ZRANB1: variants seen among roughly 807,000 people sequenced by gnomAD.
ZRANB1 encodes zinc finger RANBP2-type containing 1.
Under a neutral mutation model 80.5 loss-of-function variants are expected in ZRANB1, and 16 were observed. That is an observed-to-expected ratio of 0.20 (90% CI 0.13 to 0.30). ZRANB1 has a LOEUF of 0.30. ZRANB1 is among the 10% of genes least tolerant of loss of function. The pLI is 1.00. For missense variants in ZRANB1, 576 were observed against 862.6 expected (o/e 0.67, Z 4.16); for synonymous variants, 291 against 293.1 (o/e 0.99, Z 0.07).
intron 1 of ZRANB1, among the ~76,000 whole-genome samples, chr10:124,943,528 A>AGTGTGTGTGT (rs4020644): frequency 6.7e-6 from 1 of 148,620 alleles, no homozygotes; most frequent in Non-Finnish European, 1.5e-5. Context: ...CAAAAATGTG[A>AGTGTGTGTGT]GTGTGTGTGT....
chr10:124,951,957 AAAAT>A (rs1198932172), intron 1 of ZRANB1, among the ~76,000 whole-genome samples: 3 of 152,160 alleles, frequency 2.0e-5, no homozygotes, highest in South Asian at 2.1e-4. Context: ...ACTCTGTCTC[AAAAT>A]AAATAAATAA....
chr10:124,924,908 C>CT, the ZRANB1 span, among the ~76,000 whole-genome samples: 1 of 147,584 alleles, frequency 6.8e-6, no homozygotes. Flanking sequence ...CATCATTTTG[C>CT]TGTTTTTTTT....
At chr10:124,930,808 G>T in the ZRANB1 span, among the ~76,000 whole-genome samples, 1 of 152,132 alleles carries the variant, frequency 6.6e-6, no homozygotes. Context: ...GCTGAGTCGA[G>T]AAGATTGAGG....
At chr10:124,925,194 G>A in the ZRANB1 span, among the ~76,000 whole-genome samples, 8 of 152,104 alleles carry the variant, frequency 5.3e-5, no homozygotes, top group Admixed American at 6.5e-5. Flanking sequence ...ACAGGCGTGA[G>A]CCACTGCTCC....
chr10:124,978,246 T>C (rs951721972), intron 5 of ZRANB1, among the ~76,000 whole-genome samples: 17 of 152,180 alleles, frequency 1.1e-4, no homozygotes, highest in Non-Finnish European at 2.1e-4. Context: ...GTGGGTTTTC[T>C]AGGCCAGGAG....
In ZRANB1 at chr10:124,968,751, G is replaced by A. The variant is rs375636033; in HGVS notation, c.1002+1970G>A. Among the ~76,000 whole-genome samples the A allele has an allele frequency of 1.8e-4, 28 of 152,262 alleles. No homozygotes were observed. In the South Asian group the frequency reaches 5.8e-3, roughly 32 times the overall value. On this transcript the variant is annotated intron_variant, in intron 2 of 8. Transcript: ENST00000359653. ...TAAGGGGCTCCCCTAAAGGTAGGTA[G>A]AAGATTATTACAAGGTTTTAGAGGG...
intron 5 of ZRANB1, among the ~76,000 whole-genome samples, chr10:124,976,939 G>A (rs923400639): frequency 6.6e-6 from 1 of 151,972 alleles, no homozygotes; most frequent in South Asian, 2.1e-4. Flanking sequence ...TAGAAGTGAT[G>A]TCTTTTTTTT....
At chr10:124,970,864 G>C (rs927426248) in intron 2 of ZRANB1, among the ~76,000 whole-genome samples, 9 of 120,940 alleles carry the variant, frequency 7.4e-5, no homozygotes, top group African/African-American at 2.8e-4. Context: ...TTTTGGCAGA[G>C]TCTCTCTCTG....
chr10:124,962,110 A>G (rs1589848123), intron 1 of ZRANB1, among the ~76,000 whole-genome samples: 1 of 152,242 alleles, frequency 6.6e-6, no homozygotes, highest in Non-Finnish European at 1.5e-5. Context: ...GGATTAAACT[A>G]TAGCCAAATG....
the ZRANB1 span, among the ~76,000 whole-genome samples, chr10:124,918,376 G>C: frequency 1.3e-5 from 2 of 152,300 alleles, no homozygotes; most frequent in African/African-American, 4.8e-5. Flanking sequence ...TTTTAGTAGA[G>C]ATGGGGTTTC....
In ZRANB1 at chr10:124,943,267, G is replaced by A. The variant is rs764949087; in HGVS notation, c.774G>A (p.Arg258=). The change falls in exon 1 of 9, where the codon AGG becomes AGA. Residue 258 remains arginine, a synonymous_variant. Coordinates refer to ENST00000359653, the MANE Select transcript of ZRANB1 (RefSeq NM_017580.3). ...DFKKLKQIKN[R]MKKTDWLFLN... ...AAAAACTAAAGCAAATTAAAAACAG[G>A]ATGAAAAAGACTGATTGGCTCTTCC... 7 of 1,613,890 alleles carry A rather than the reference G, an allele frequency of 4.3e-6. No homozygotes were observed. The Admixed American group carries it at 8.3e-5, about 19-fold the overall frequency.
chr10:124,931,014 G>A, the ZRANB1 span, among the ~76,000 whole-genome samples: 9 of 152,286 alleles, frequency 5.9e-5, no homozygotes, highest in South Asian at 2.1e-4. Context: ...CACAGAGTAA[G>A]ACCCTCTCTG....
Position 124,942,657 on chromosome 10 carries a change from C to T in ZRANB1, c.164C>T (p.Pro55Leu). 6.2e-7 allele frequency: 1 copy of T among 1,614,202 alleles called. No individual in the cohort carries two copies. Among genetic ancestry groups the T allele is most frequent in the Admixed American group, 1.7e-5 (1 of 60,022 alleles). Residue 55 changes from proline (P) to leucine (L), a missense_variant, in exon 1 of 9, where the codon CCT (proline) becomes CTT (leucine). Around this residue, in one of 3 missense-constraint regions of ZRANB1, gnomAD observed 411 missense variants for 583.1 expected, o/e 0.70. Transcript: ENST00000359653. ...GSSDVGRDWD[P>L]SSTEGGSSPL... ...AGTGATGTTGGTAGAGATTGGGATC[C>T]TTCCAGCACCGAAGGAGGAAGTAGT... is the stretch of plus-strand genomic sequence containing the variant.
chr10:124,921,247 C>G, the ZRANB1 span, among the ~76,000 whole-genome samples: 1 of 152,142 alleles, frequency 6.6e-6, no homozygotes, highest in Non-Finnish European at 1.5e-5. Context: ...CATTTAGCAT[C>G]ATGGGAAGGA....
At chr10:124,946,832 T>C (rs1951589363) in intron 1 of ZRANB1, among the ~76,000 whole-genome samples, 1 of 152,242 alleles carries the variant, frequency 6.6e-6, no homozygotes, top group African/African-American at 2.4e-5. Flanking sequence ...TACTCAAAAT[T>C]AATCTTTACG....
chr10:124,941,354 G>A (rs1951534955), upstream of ZRANB1, among the ~76,000 whole-genome samples: 1 of 151,986 alleles, frequency 6.6e-6, no homozygotes, highest in South Asian at 2.1e-4. Flanking sequence ...AATATGAATT[G>A]GATTTTTTGG....
At chr10:124,931,350 C>A in the ZRANB1 span, among the ~76,000 whole-genome samples, 294 of 152,138 alleles carry the variant, frequency 1.9e-3, no homozygotes, top group Non-Finnish European at 3.4e-3. Context: ...TGCTCCAGCC[C>A]TGTGTCATTT....
upstream of ZRANB1, among the ~76,000 whole-genome samples, chr10:124,941,110 C>G (rs1951532589): frequency 6.6e-6 from 1 of 151,948 alleles, no homozygotes; most frequent in Non-Finnish European, 1.5e-5. Flanking sequence ...GGATTTCTTT[C>G]TCTTTCCGGG....
At chr10:124,958,501 C>G (rs1378397041) in intron 1 of ZRANB1, among the ~76,000 whole-genome samples, 1 of 152,100 alleles carries the variant, frequency 6.6e-6, no homozygotes, top group African/African-American at 2.4e-5. Flanking sequence ...ATCTCACTGC[C>G]TAGAGGAAGT....
Sources: allele counts gnomAD v4.1 joint callset (sites outside exome capture counted in the v4.1 genomes callset), GRCh38; gene constraint gnomAD v4.1.1; regional missense constraint gnomAD v4.1.1; transcripts MANE v1.5; gene names NCBI Gene and HGNC (gene_info 2026-07-23, HGNC 2026-07-21).